The following BCL11A variants were observed in gnomAD, a reference collection of about 807,000 sequenced individuals.
The protein encoded by BCL11A is B cell CLL/lymphoma 11A.
Under a neutral mutation model 55.9 loss-of-function variants are expected in BCL11A, and 2 were observed. The ratio of observed to expected loss-of-function variants is 0.04; its 90% CI spans 0.01 to 0.11. The LOEUF (loss-of-function observed/expected upper bound fraction) is 0.11. BCL11A is among the 10% of genes least tolerant of loss of function. BCL11A has a pLI of 1.00. For synonymous variants in BCL11A, 465 were observed against 473.4 expected (o/e 0.98, Z 0.23); for missense variants, 817 against 1,137.1 (o/e 0.72, Z 4.05).
rs548474157 is a variant in BCL11A, at chr2:60,459,385, T to C, written c.*1019A>G. The stretch of plus-strand genomic sequence containing the variant: ...CATTACACATTCAATTTAATCATTG[T>C]TTAAAAAAAATAAAACTTTGGGCAA... On this transcript the variant is annotated 3_prime_UTR_variant, in exon 4 of 4. Transcript: ENST00000642384. 27 of 1,020,428 alleles carry C rather than the reference T, an allele frequency of 2.6e-5. No homozygotes were observed. In the African/African-American group the frequency reaches 4.6e-4, roughly 17 times the overall value. 63.2% of individuals were successfully genotyped at this position (1,020,428 alleles called of 1,614,324 possible). A position where few individuals can be genotyped will look rare whatever the true frequency, so the allele number is the denominator to read the frequency against.
chr2:60,492,487 T>C (rs778265088), intron 2 of BCL11A, among the ~76,000 whole-genome samples: 14 of 152,202 alleles, frequency 9.2e-5, no homozygotes, highest in Non-Finnish European at 2.1e-4. Context: ...TTTTGAAGCC[T>C]GCTGGAATTC....
chr2:60,518,794 A>G (rs1478261234), intron 2 of BCL11A, among the ~76,000 whole-genome samples: 1 of 152,128 alleles, frequency 6.6e-6, no homozygotes, highest in East Asian at 1.9e-4. Context: ...GGACTCATCA[A>G]TTACTGTTCA....
At chr2:60,467,110 AGTGGTGGTG>A (rs1203073598) in intron 3 of BCL11A, among the ~76,000 whole-genome samples, 6 of 72,464 alleles carry the variant, frequency 8.3e-5, no homozygotes, top group Admixed American at 1.3e-4. Flanking sequence ...TGGTGGTGGT[AGTGGTGGTG>A]GTGGTGGTGA....
At chr2:60,533,970 T>A (rs537469279) in intron 2 of BCL11A, 1 of 152,380 alleles carries the variant, frequency 6.6e-6, no homozygotes, top group East Asian at 1.9e-4. Context: ...CCATCACAAT[T>A]TATTTTCTTT....
intron 2 of BCL11A, among the ~76,000 whole-genome samples, chr2:60,496,311 TC>T (rs1558643763): frequency 6.6e-6 from 1 of 152,142 alleles, no homozygotes; most frequent in Non-Finnish European, 1.5e-5. Context: ...GAGTGGACCA[TC>T]CCAGTGGTGT....
chr2:60,518,243 T>C (rs1180442048), intron 2 of BCL11A, among the ~76,000 whole-genome samples: 3 of 152,180 alleles, frequency 2.0e-5, no homozygotes, highest in Non-Finnish European at 4.4e-5. Context: ...AATCATCTTG[T>C]CTCATTCCCT....
chr2:60,451,310 C>CTA (rs1675714352), exon 5 of BCL11A: 1 of 227,318 alleles, frequency 4.4e-6, no homozygotes, highest in African/African-American at 2.2e-5. Flanking sequence ...GTATGTGAAT[C>CTA]TACAGCACAC....
intron 2 of BCL11A, among the ~76,000 whole-genome samples, chr2:60,515,786 A>G (rs1275696600): frequency 6.6e-6 from 1 of 152,136 alleles, no homozygotes; most frequent in African/African-American, 2.4e-5. Flanking sequence ...TGATCACCCA[A>G]CTTTCCAGCT....
rs1274127605 is a variant in BCL11A, at chr2:60,502,269, T to G, written c.386-33436A>C. On this transcript the variant is annotated intron_variant, in intron 2 of 3. Transcript: ENST00000642384. ...AAAGCTGGTGAAACAAAATGATGGA[T>G]AGCAGATTTGCTGAGCTCCAAAGTC... is the stretch of plus-strand genomic sequence containing the variant. Among the ~76,000 whole-genome samples, 4 of 152,378 alleles carry G rather than the reference T, an allele frequency of 2.6e-5. No homozygotes were observed. The South Asian group carries it at 6.2e-4, about 24-fold the overall frequency.
chr2:60,459,321 C>A lies in BCL11A; in HGVS notation c.*1083G>T. ...AGCAAATATCTTCATAAAATGAACT[C>A]CTTACTAGTGTATTTAATTGCGTTC... On this transcript the variant is annotated 3_prime_UTR_variant, in exon 4 of 4. Transcript: ENST00000642384. 3.0e-6 allele frequency: 3 copies of A among 1,016,812 alleles called. No homozygotes were observed. The highest frequency in any genetic ancestry group is 6.6e-5 in the East Asian group (1 of 15,086). The allele number at this position is 1,016,812 out of a possible 1,614,324, so 63.0% of individuals were successfully genotyped here. A position where few individuals can be genotyped will look rare whatever the true frequency, so the allele number is the denominator to read the frequency against.
At chr2:60,497,382 T>C (rs899800741) in intron 2 of BCL11A, among the ~76,000 whole-genome samples, 1 of 152,228 alleles carries the variant, frequency 6.6e-6, no homozygotes, top group African/African-American at 2.4e-5. Context: ...CAAGCATATA[T>C]GAACTGTCTT....
In BCL11A at chr2:60,553,582, CT is replaced by C. The variant is rs1311341067; in HGVS notation, c.-313del. The C allele has an allele frequency of 5.0e-6, 2 of 398,494 alleles. No homozygotes were observed. The highest frequency in any genetic ancestry group is 4.3e-5 in the African/African-American group (2 of 46,186). 24.7% of individuals were successfully genotyped at this position (398,494 alleles called of 1,614,324 possible). A position where few individuals can be genotyped will look rare whatever the true frequency, so the allele number is the denominator to read the frequency against. On this transcript the variant is annotated 5_prime_UTR_variant, in exon 1 of 4. Coordinates refer to ENST00000642384, the MANE Select transcript of BCL11A (RefSeq NM_022893.4). ...GATGAAAAAAATGGCAAAAGCCCCC[CT>C]GAGCTGCAAGTTCAAGTGCGGACGT...
chr2:60,531,162 A>G (rs1419983030), intron 2 of BCL11A, among the ~76,000 whole-genome samples: 1 of 144,830 alleles, frequency 6.9e-6, no homozygotes, highest in Non-Finnish European at 1.5e-5. Context: ...GAAATTAGAG[A>G]AAAAAAAAAA....
intron 2 of BCL11A, chr2:60,532,778 C>T (rs1028367114): frequency 3.3e-5 from 5 of 152,156 alleles, no homozygotes; most frequent in African/African-American, 1.2e-4. Context: ...AGATTTAAAG[C>T]ATTAACTGGT....
chr2:60,498,471 C>T (rs896472286), intron 2 of BCL11A, among the ~76,000 whole-genome samples: 1 of 152,224 alleles, frequency 6.6e-6, no homozygotes, highest in Non-Finnish European at 1.5e-5. Flanking sequence ...GGGGAGCTCA[C>T]AGCCTCCAAG....
downstream of BCL11A, among the ~76,000 whole-genome samples, chr2:60,456,994 C>T (rs1204394323): frequency 6.6e-6 from 1 of 152,108 alleles, no homozygotes; most frequent in Non-Finnish European, 1.5e-5. Flanking sequence ...ACTGGAAAGC[C>T]TTAAAACTAT....
intron 2 of BCL11A, among the ~76,000 whole-genome samples, chr2:60,500,288 G>C (rs182699052): frequency 5.3e-5 from 8 of 152,340 alleles, no homozygotes; most frequent in Non-Finnish European, 1.0e-4. Context: ...GGCGGGGAGG[G>C]GACAGGGGGC....
At chr2:60,516,551 C>T (rs536747371) in intron 2 of BCL11A, among the ~76,000 whole-genome samples, 14 of 152,262 alleles carry the variant, frequency 9.2e-5, no homozygotes, top group Admixed American at 3.9e-4. Context: ...CACCGTCATC[C>T]GGGGAAGTGG....
At chr2:60,468,088 TGTGGTGGTG>T (rs1311778852) in intron 3 of BCL11A, among the ~76,000 whole-genome samples, 19 of 12,782 alleles carry the variant, frequency 1.5e-3, no homozygotes, top group East Asian at 2.7e-3. Flanking sequence ...TGGTGGTGGT[TGTGGTGGTG>T]GTGGTGATGG....
Sources: allele counts gnomAD v4.1 joint callset (sites outside exome capture counted in the v4.1 genomes callset), GRCh38; gene constraint gnomAD v4.1.1; transcripts MANE v1.5; gene names NCBI Gene and HGNC (gene_info 2026-07-23, HGNC 2026-07-21).